CREB5: variants seen among roughly 807,000 people sequenced by gnomAD.
CREB5 encodes the protein cyclic AMP-responsive element-binding protein 5.
In CREB5, 19 loss-of-function variants were observed where a neutral mutation model predicts 57.1. The observed-to-expected ratio is 0.33, with a 90% CI of 0.23 to 0.49. The LOEUF (loss-of-function observed/expected upper bound fraction) is 0.49, where lower values mean the gene tolerates loss of function less well. CREB5 is among the 20% of genes least tolerant of loss of function. The pLI, the probability that CREB5 is intolerant of heterozygous loss-of-function variation, is 0.99. For missense variants in CREB5, 579 were observed against 671.6 expected, an observed-to-expected ratio of 0.86 and a Z score of 1.52; for synonymous variants, 238 against 238.3, an observed-to-expected ratio of 1.00 and a Z score of 0.01.
intron 1 of CREB5, among the ~76,000 whole-genome samples, chr7:28,355,984 G>A (rs1786333125): frequency 6.6e-6 from 1 of 152,158 alleles, no homozygotes; most frequent in Non-Finnish European, 1.5e-5. Context: ...AGCTGTGGCA[G>A]GTATAAAACA....
At chr7:28,668,968 T>C (rs1486354999) in intron 5 of CREB5, among the ~76,000 whole-genome samples, 1 of 152,142 alleles carries the variant, frequency 6.6e-6, no homozygotes, top group Admixed American at 6.5e-5. Flanking sequence ...CCCCGTGTAG[T>C]GGTATCCTTC....
chr7:28,528,061 A>T (rs752498973), intron 4 of CREB5, among the ~76,000 whole-genome samples: 2 of 152,210 alleles, frequency 1.3e-5, no homozygotes, highest in Non-Finnish European at 2.9e-5. Context: ...ATTGCCTTGC[A>T]CATAGAATAT....
Position 28,818,196 on chromosome 7 carries a change from T to C in CREB5, c.1363+17T>C. 6.3e-7 allele frequency: 1 copy of C among 1,580,030 alleles called. No individual in the cohort carries two copies. Among genetic ancestry groups the C allele is most frequent in the Non-Finnish European group, 8.7e-7 (1 of 1,153,314 alleles). ...GATATCTAAGTAAGTCGCCGACTTT[T>C]TCACTTTTCTTTAGTGTCCAATATT... On this transcript the variant is annotated intron_variant, in intron 10 of 10. Coordinates refer to ENST00000357727, the MANE Select transcript of CREB5 (RefSeq NM_182898.4).
intron 7 of CREB5, among the ~76,000 whole-genome samples, chr7:28,756,752 T>G (rs1051482556): frequency 6.6e-6 from 1 of 152,148 alleles, no homozygotes; most frequent in African/African-American, 2.4e-5. Context: ...TGGTTATTAG[T>G]GTCAGCCACA....
At chr7:28,560,979 T>TGCACGTGTGAGC (rs1562798247) in intron 4 of CREB5, among the ~76,000 whole-genome samples, 1 of 59,818 alleles carries the variant, frequency 1.7e-5, no homozygotes, top group Non-Finnish European at 3.8e-5. Flanking sequence ...TGTGCGTGTG[T>TGCACGTGTGAGC]GCGTGCGTGT....
At chr7:28,335,354 G>C (rs1418465473) in intron 1 of CREB5, among the ~76,000 whole-genome samples, 1 of 151,812 alleles carries the variant, frequency 6.6e-6, no homozygotes, top group African/African-American at 2.4e-5. Context: ...ATTTTCTTCT[G>C]TCCTTTTTTA....
At chr7:28,745,141 C>T (rs1223510174) in intron 7 of CREB5, among the ~76,000 whole-genome samples, 3 of 152,208 alleles carry the variant, frequency 2.0e-5, no homozygotes, top group East Asian at 1.9e-4. Flanking sequence ...CTGGTCCTTG[C>T]ACTTCTGTAG....
chr7:28,804,055 T>C, intron 7 of CREB5, 144 bp from the exon 8 acceptor site: 1 of 738,340 alleles, frequency 1.4e-6, no homozygotes, highest in South Asian at 1.9e-5. Flanking sequence ...CTTGTACTGG[T>C]AGCAAGATAG....
chr7:28,773,996 A>G (rs898592243), intron 7 of CREB5, among the ~76,000 whole-genome samples: 2 of 152,124 alleles, frequency 1.3e-5, no homozygotes, highest in Non-Finnish European at 2.9e-5. Flanking sequence ...TTTCTCTCCT[A>G]TTTCCCTCCA....
chr7:28,488,282 G>T, intron 2 of CREB5, 36 bp downstream of exon 2: 2 of 1,599,322 alleles, frequency 1.3e-6, no homozygotes, highest in Non-Finnish European at 1.7e-6. Flanking sequence ...TGACATGCAG[G>T]GCCTGCTTTC....
chr7:28,329,470 G>T (rs1785672536), intron 1 of CREB5, among the ~76,000 whole-genome samples: 2 of 152,200 alleles, frequency 1.3e-5, no homozygotes, highest in South Asian at 4.1e-4. Flanking sequence ...AGTGCCCAAG[G>T]TTCTTGCATT....
At chr7:28,327,082 G>A (rs1362286285) in intron 1 of CREB5, among the ~76,000 whole-genome samples, 2 of 148,980 alleles carry the variant, frequency 1.3e-5, no homozygotes, top group East Asian at 3.9e-4. Flanking sequence ...CTGGGAGGCA[G>A]AGGTTACAGT....
intron 4 of CREB5, among the ~76,000 whole-genome samples, chr7:28,569,770 C>A (rs71539572): frequency 0.15 from 23,509 of 152,210 alleles, 2,309 homozygotes; most frequent in Non-Finnish European, 0.23. Flanking sequence ...CAGCAGAAAG[C>A]GGCAACTCTT....
chr7:28,554,722 C>G (rs1794791595), intron 4 of CREB5, among the ~76,000 whole-genome samples: 1 of 152,232 alleles, frequency 6.6e-6, no homozygotes, highest in Non-Finnish European at 1.5e-5. Context: ...AAGGTCAGCT[C>G]TGGGCCACAG....
intron 5 of CREB5, among the ~76,000 whole-genome samples, chr7:28,621,441 A>G (rs1326773914): frequency 6.6e-6 from 1 of 152,224 alleles, no homozygotes; most frequent in African/African-American, 2.4e-5. Flanking sequence ...TTCTACTCTC[A>G]TGTTTAGGTC....
intron 5 of CREB5, among the ~76,000 whole-genome samples, chr7:28,575,342 G>A (rs1795865186): frequency 1.3e-5 from 2 of 152,142 alleles, no homozygotes; most frequent in African/African-American, 4.8e-5. Context: ...CTGGGGGTGG[G>A]GAAAGAACAG....
intron 7 of CREB5, among the ~76,000 whole-genome samples, chr7:28,773,772 T>C (rs968218675): frequency 1.3e-5 from 2 of 152,238 alleles, no homozygotes; most frequent in African/African-American, 4.8e-5. Flanking sequence ...GCCCCTAATA[T>C]GGCTCCAACC....
chr7:28,620,389 T>G (rs980438760), intron 5 of CREB5, among the ~76,000 whole-genome samples: 1 of 152,170 alleles, frequency 6.6e-6, no homozygotes, highest in Non-Finnish European at 1.5e-5. Context: ...TGAACAGTGC[T>G]AAAAGGGAAT....
In CREB5 at chr7:28,819,246, C is replaced by G; in HGVS notation, c.1494C>G (p.Thr498=). The part of the protein sequence containing the change: ...VVGSSTLSQL[T]THRTDLNPIL The stretch of plus-strand genomic sequence containing the variant: ...GAAGCTCCACCCTCAGCCAGCTCAC[C>G]ACTCACAGAACAGACCTGAATCCGA... The change falls in exon 11 of 11, where the codon ACC becomes ACG. Residue 498 remains threonine (T), a synonymous_variant. Transcript: ENST00000357727. 6.2e-7 allele frequency: 1 copy of G among 1,613,812 alleles called. No individual in the cohort carries two copies. The highest frequency in any genetic ancestry group is 8.5e-7 in the Non-Finnish European group (1 of 1,179,824).
Sources: allele counts gnomAD v4.1 joint callset (sites outside exome capture counted in the v4.1 genomes callset), GRCh38; gene constraint gnomAD v4.1.1; transcripts MANE v1.5; gene names NCBI Gene and HGNC (gene_info 2026-07-23, HGNC 2026-07-21).